Variants in RBMS3 observed in about 807,000 individuals in gnomAD.
The protein encoded by RBMS3 is RNA binding motif single stranded interacting protein 3, also known as RNA-binding motif, single-stranded-interacting protein 3.
RBMS3 carries 27 observed loss-of-function variants against 66.8 expected under a neutral mutation model. The observed-to-expected ratio is 0.40, with a 90% CI of 0.30 to 0.56. RBMS3 has a LOEUF of 0.56. Among genes scored for constraint, RBMS3 ranks in the 20% least tolerant of loss-of-function variants. The probability of loss-of-function intolerance (pLI) is 0.40; values close to 1 mark genes in which losing one functional copy is unlikely to be tolerated. For synonymous variants in RBMS3, 188 were observed against 183.0 expected, an observed-to-expected ratio of 1.03 and a Z score of -0.22; for missense variants, 513 against 549.5, an observed-to-expected ratio of 0.93 and a Z score of 0.66.
chr3:29,663,380 T>C (rs2050631802), intron 4 of RBMS3, among the ~76,000 whole-genome samples: 1 of 152,224 alleles, frequency 6.6e-6, no homozygotes, highest in Admixed American at 6.5e-5. Flanking sequence ...ACCTTGACTC[T>C]GGATTATCAG....
intron 8 of RBMS3, among the ~76,000 whole-genome samples, chr3:29,888,324 A>C (rs1268353225): frequency 6.6e-6 from 1 of 151,684 alleles, no homozygotes; most frequent in African/African-American, 2.4e-5. Flanking sequence ...TATATTATCT[A>C]ATCTCATATC....
intron 2 of RBMS3, among the ~76,000 whole-genome samples, chr3:29,459,470 A>G (rs963293464): frequency 1.3e-5 from 2 of 152,176 alleles, no homozygotes; most frequent in Non-Finnish European, 2.9e-5. Flanking sequence ...CACCTGTTTA[A>G]CATTCCATAA....
At chr3:29,288,023 C>T (rs931111805) in intron 1 of RBMS3, among the ~76,000 whole-genome samples, 31 of 151,626 alleles carry the variant, frequency 2.0e-4, no homozygotes, top group African/African-American at 6.5e-4. Context: ...TGTGGAATCA[C>T]GAATAAAATT....
At chr3:29,729,704 A>T (rs1033665562) in intron 4 of RBMS3, among the ~76,000 whole-genome samples, 1 of 152,134 alleles carries the variant, frequency 6.6e-6, no homozygotes, top group East Asian at 1.9e-4. Flanking sequence ...ATGGTATCTC[A>T]TTGTGGTTTT....
At chr3:29,837,698 ATATATATATG>A (rs1280269095) in intron 6 of RBMS3, among the ~76,000 whole-genome samples, 11 of 109,430 alleles carry the variant, frequency 1.0e-4, no homozygotes, top group African/African-American at 3.6e-4. Context: ...ATATATATAT[ATATATATATG>A]CTTATTAGCT....
intron 4 of RBMS3, among the ~76,000 whole-genome samples, chr3:29,604,030 G>C (rs1029508747): frequency 1.3e-5 from 2 of 151,918 alleles, no homozygotes; most frequent in Non-Finnish European, 2.9e-5. Flanking sequence ...CCAGGATGCT[G>C]CTAATCATAC....
rs534999314 is a variant in RBMS3 at position 29,984,348 on chromosome 3, G to A, written c.1099-3795G>A. ...CAAGTTTCTTAGCTTCCTTTCATTG[G>A]GTTAGAACATGCTCCTTTAGCTCAG... On this transcript the variant is annotated intron_variant, in intron 12 of 14. Transcript: ENST00000383767. 2.0e-5 allele frequency among the ~76,000 whole-genome samples: 3 copies of A among 151,798 alleles called. No individual in the cohort carries two copies. In the South Asian group the frequency reaches 6.2e-4, roughly 32 times the overall value.
chr3:29,816,675 A>G (rs1360026881), intron 6 of RBMS3, among the ~76,000 whole-genome samples: 1 of 152,114 alleles, frequency 6.6e-6, no homozygotes, highest in Non-Finnish European at 1.5e-5. Context: ...AGTTCTTTAC[A>G]TTTTTGCATA....
At chr3:29,312,588 A>G (rs972739669) in intron 1 of RBMS3, among the ~76,000 whole-genome samples, 5 of 151,498 alleles carry the variant, frequency 3.3e-5, no homozygotes, top group African/African-American at 1.2e-4. Context: ...TTGCATTTAT[A>G]TCTGTGTATC....
Position 29,862,866 on chromosome 3 carries a change from A to G in RBMS3, c.638-5992A>G, listed in dbSNP as rs185680827. ...TCTCTGTCTCAAAAAAGAAAAAAGA[A>G]AAAAAAAAAAAAGGAAGTGACAGAG... On this transcript the variant is annotated intron_variant, in intron 6 of 14. Coordinates refer to ENST00000383767, the MANE Select transcript of RBMS3 (RefSeq NM_001003793.3). Among the ~76,000 whole-genome samples, 9 of 143,630 alleles carry G rather than the reference A, an allele frequency of 6.3e-5. No individual in the cohort carries two copies. The East Asian group carries it at 1.8e-3, about 29-fold the overall frequency. The allele number at this position is 143,630 out of a possible 152,430, so 94.2% of individuals were successfully genotyped here.
chr3:29,592,108 C>G (rs2047758590), intron 4 of RBMS3, among the ~76,000 whole-genome samples: 1 of 146,724 alleles, frequency 6.8e-6, no homozygotes, highest in Non-Finnish European at 1.5e-5. Context: ...TAAAAAAAAC[C>G]AGTGGATTTT....
Position 29,388,771 on chromosome 3 carries a change from A to G in RBMS3, c.76-45972A>G, listed in dbSNP as rs112712787. ...AGTAGAGACAGGGTTTCACCATGTT[A>G]GCCAGGATGGTCTCAATCTCCTGAC... On this transcript the variant is annotated intron_variant, in intron 1 of 14. Coordinates refer to ENST00000383767, the MANE Select transcript of RBMS3 (RefSeq NM_001003793.3). Among the ~76,000 whole-genome samples the G allele has an allele frequency of 1.0e-3, 153 of 152,208 alleles. 2 individuals carry two copies. The highest frequency in any genetic ancestry group is 3.3e-3 in the South Asian group (16 of 4,830).
At chr3:29,937,755 T>C (rs780473494) in intron 11 of RBMS3, among the ~76,000 whole-genome samples, 52 of 152,090 alleles carry the variant, frequency 3.4e-4, no homozygotes, top group Middle Eastern at 3.4e-3. Flanking sequence ...ATCATGGAGA[T>C]AGAGCTTGAA....
At chr3:30,000,735 G>T (rs1577361565) in intron 14 of RBMS3, among the ~76,000 whole-genome samples, 1 of 152,140 alleles carries the variant, frequency 6.6e-6, no homozygotes, top group Non-Finnish European at 1.5e-5. Context: ...CATGTCCTTT[G>T]TAGGGACATG....
At chr3:29,886,299 T>G (rs150077907) in intron 8 of RBMS3, among the ~76,000 whole-genome samples, 7 of 152,006 alleles carry the variant, frequency 4.6e-5, no homozygotes, top group African/African-American at 1.7e-4. Context: ...TTCATTTATT[T>G]ATTATATTCT....
intron 6 of RBMS3, among the ~76,000 whole-genome samples, chr3:29,861,322 C>T (rs946228542): frequency 4.6e-5 from 7 of 152,154 alleles, no homozygotes; most frequent in Non-Finnish European, 5.9e-5. Flanking sequence ...TCCAGCTCCT[C>T]CCACTCTTAT....
At chr3:29,730,978 GA>G in intron 4 of RBMS3, 1 of 985,378 alleles carries the variant, frequency 1.0e-6, no homozygotes, top group Non-Finnish European at 1.2e-6. Context: ...GAAAGCCAGA[GA>G]TCCAATCTGG....
At chr3:29,504,235 A>T (rs1288236443) in intron 3 of RBMS3, among the ~76,000 whole-genome samples, 1 of 151,984 alleles carries the variant, frequency 6.6e-6, no homozygotes, top group Non-Finnish European at 1.5e-5. Flanking sequence ...GAAAAAAATG[A>T]CCTCTTGGGT....
At chr3:29,440,797 C>T (rs2041590851) in intron 2 of RBMS3, among the ~76,000 whole-genome samples, 1 of 152,150 alleles carries the variant, frequency 6.6e-6, no homozygotes, top group African/African-American at 2.4e-5. Context: ...CATCCAGGCT[C>T]CGAGCGCAGA....
Sources: gnomAD v4.1 joint callset for allele counts (sites outside exome capture counted in the v4.1 genomes callset) on GRCh38, gnomAD v4.1.1 for gene constraint, MANE v1.5 for transcripts, NCBI Gene and HGNC (gene_info 2026-07-23, HGNC 2026-07-21) for gene names.